The following FAM124A variants were observed in gnomAD, a reference collection of about 807,000 sequenced individuals.
The protein encoded by FAM124A is protein FAM124A.
FAM124A carries 23 observed loss-of-function variants against 24.5 expected under a neutral mutation model. The observed-to-expected ratio is 0.94, with a 90% CI of 0.68 to 1.33. The LOEUF (loss-of-function observed/expected upper bound fraction) is 1.33, where lower values mean the gene tolerates loss of function less well. Among genes scored for constraint, FAM124A ranks in the 40% most tolerant of loss-of-function variants. The pLI is 0.00. For missense variants in FAM124A, 623 were observed against 722.8 expected (o/e 0.86, Z 1.58); for synonymous variants, 287 against 314.7 (o/e 0.91, Z 0.93).
At chr13:51,274,020 A>G (rs1954863509) in intron 3 of FAM124A, among the ~76,000 whole-genome samples, 1 of 152,232 alleles carries the variant, frequency 6.6e-6, no homozygotes, top group African/African-American at 2.4e-5. Context: ...TGGGCATGAT[A>G]TTCTTTCAAG....
Position 51,281,195 on chromosome 13 carries a change from T to G in FAM124A, c.1580T>G (p.Met527Arg). The change falls in exon 4 of 4, where the codon ATG (methionine) becomes AGG (arginine). Residue 527 changes from methionine to arginine, a missense_variant. Coordinates refer to ENST00000322475, the MANE Select transcript of FAM124A (RefSeq NM_001242312.2). ...AAAGTCAAGCAGACTGATGGAGACA[T>G]GCCACCACCCCCAGGGTCGGCTGGC... ...TPKVKQTDGD[M>R]PPPPGSAGPG... is the part of the protein sequence containing the mutation. 1 of 1,611,096 alleles carries G rather than the reference T, an allele frequency of 6.2e-7. No individual in the cohort carries two copies. The highest frequency in any genetic ancestry group is 8.5e-7 in the Non-Finnish European group (1 of 1,178,558).
rs1241626803 is a variant in FAM124A at position 51,281,117 on chromosome 13, C to T, written c.1502C>T (p.Pro501Leu). 3 of 1,613,968 alleles carry T rather than the reference C, an allele frequency of 1.9e-6. No homozygotes were observed. Among genetic ancestry groups the T allele is most frequent in the Non-Finnish European group, 2.5e-6 (3 of 1,180,048 alleles). ...SATARAAPPA[P>L]STSTLTDSSP... ...ACAGCTCGTGCTGCTCCCCCAGCTC[C>T]CAGCACCTCCACCCTCACAGACTCC... is the stretch of plus-strand genomic sequence containing the variant. The change falls in exon 4 of 4, where the codon CCC (proline) becomes CTC (leucine). Residue 501 changes from proline (P) to leucine (L), a missense_variant. Transcript: ENST00000322475.
intron 3 of FAM124A, among the ~76,000 whole-genome samples, chr13:51,254,129 C>T (rs1954653087): frequency 6.6e-6 from 1 of 152,136 alleles, no homozygotes; most frequent in Non-Finnish European, 1.5e-5. Context: ...GAGAGTGAAC[C>T]TTTCTATCCA....
chr13:51,281,010 G>GC lies in FAM124A; in HGVS notation c.1398dup (p.Thr467HisfsTer58). ...ACAAGGATTCCAGGGAGGGACCACT[G>GC]CCCACTGTCAGCAGGGTGACCACAG... On this transcript the variant is annotated frameshift_variant, in exon 4 of 4. Transcript: ENST00000322475. LOFTEE classifies it low-confidence loss of function (END_TRUNC). 6.2e-7 allele frequency: 1 copy of GC among 1,614,044 alleles called. No homozygotes were observed. Among genetic ancestry groups the GC allele is most frequent in the Non-Finnish European group, 8.5e-7 (1 of 1,179,988 alleles).
At chr13:51,279,295 C>A (rs1005926618) in intron 3 of FAM124A, among the ~76,000 whole-genome samples, 2 of 152,162 alleles carry the variant, frequency 1.3e-5, no homozygotes, top group African/African-American at 4.8e-5. Flanking sequence ...AGCTGTGACA[C>A]CTCTTAGGCA....
At position 51,283,753 on chromosome 13, in the gene FAM124A, A is replaced by G. The variant is rs1010048396; in HGVS notation, c.*2497A>G. 1 of 149,260 alleles carries G rather than the reference A, an allele frequency of 6.7e-6. No individual in the cohort carries two copies. The highest frequency in any genetic ancestry group is 1.5e-5 in the Non-Finnish European group (1 of 67,540). 9.2% of individuals were successfully genotyped at this position (149,260 alleles called of 1,614,324 possible). A position where few individuals can be genotyped will look rare whatever the true frequency, so the allele number is the denominator to read the frequency against. ...ACAGGGAAGCAAGTTCATCAGTAAC[A>G]AAAGTCAGTGAGGCAAAAAAAAAAA... On this transcript the variant is annotated 3_prime_UTR_variant, in exon 4 of 4. Coordinates refer to ENST00000322475, the MANE Select transcript of FAM124A (RefSeq NM_001242312.2).
At position 51,272,566 on chromosome 13, in the gene FAM124A, TAC is replaced by T. The variant is rs3138586; in HGVS notation, c.835-7857_835-7856del. Among the ~76,000 whole-genome samples, 40,446 of 148,816 alleles carry T rather than the reference TAC, an allele frequency of 0.27. 6,953 individuals are homozygous for T. The highest frequency in any genetic ancestry group is 0.38 in the Admixed American group (5,723 of 14,952). ...ACCTATTTTTGTAAATAAAGCCTTA[TAC>T]ACACACACACACACACACACACACA... On this transcript the variant is annotated intron_variant, in intron 3 of 3. Coordinates refer to ENST00000322475, the MANE Select transcript of FAM124A (RefSeq NM_001242312.2). The surrounding 1 kb of genome is among the most constrained non-coding windows in gnomAD (Gnocchi z 4.2).
intron 2 of FAM124A, among the ~76,000 whole-genome samples, chr13:51,247,715 CTGA>C (rs1954578031): frequency 6.6e-6 from 1 of 152,162 alleles, no homozygotes; most frequent in Non-Finnish European, 1.5e-5. Context: ...GGAGCATTCA[CTGA>C]TGCTTAGCAA....
chr13:51,278,682 G>A (rs1401488260), intron 3 of FAM124A, among the ~76,000 whole-genome samples: 1 of 152,192 alleles, frequency 6.6e-6, no homozygotes, highest in East Asian at 1.9e-4. Context: ...AAAAGACCGG[G>A]TACCATCTCT....
intron 2 of FAM124A, among the ~76,000 whole-genome samples, chr13:51,239,510 C>G (rs1810475307): frequency 6.6e-6 from 1 of 152,178 alleles, no homozygotes; most frequent in Non-Finnish European, 1.5e-5. Context: ...ACTATTCATA[C>G]AGTATTCCCT....
chr13:51,269,503 T>C (rs980250860), intron 3 of FAM124A, among the ~76,000 whole-genome samples: 5 of 152,228 alleles, frequency 3.3e-5, no homozygotes, highest in African/African-American at 1.2e-4. Context: ...GATCTAATTG[T>C]CACCATGTTT....
chr13:51,232,767 C>T (rs1406797198), intron 2 of FAM124A, among the ~76,000 whole-genome samples: 1 of 152,196 alleles, frequency 6.6e-6, no homozygotes, highest in Non-Finnish European at 1.5e-5. Context: ...CTCAGTTTTG[C>T]CCAGAGGCTA....
intron 3 of FAM124A, among the ~76,000 whole-genome samples, chr13:51,259,738 C>T (rs533416120): frequency 2.0e-5 from 3 of 152,312 alleles, no homozygotes; most frequent in Admixed American, 1.3e-4. Flanking sequence ...GGCAGCTGCC[C>T]ACATCACAGG....
intron 3 of FAM124A, among the ~76,000 whole-genome samples, chr13:51,256,262 A>G (rs1954673271): frequency 6.6e-6 from 1 of 152,230 alleles, no homozygotes; most frequent in African/African-American, 2.4e-5. Context: ...GAGAGCAGGT[A>G]GTTCCATGTC....
At chr13:51,241,302 G>A (rs1000160926) in intron 2 of FAM124A, among the ~76,000 whole-genome samples, 4 of 151,930 alleles carry the variant, frequency 2.6e-5, no homozygotes, top group African/African-American at 7.3e-5. Flanking sequence ...CATTCTCTGC[G>A]TCATTTAGAA....
In FAM124A at chr13:51,282,646, C is replaced by T. The variant is rs1484898212; in HGVS notation, c.*1390C>T. ...CTTGAATTAATCATGGCACAGTGTTCATCTCTCTGGAAATGCCCACGCCAG... is the reference window on the plus strand; with the variant it reads ...CTTGAATTAATCATGGCACAGTGTTTATCTCTCTGGAAATGCCCACGCCAG... On this transcript the variant is annotated 3_prime_UTR_variant, in exon 4 of 4. Coordinates refer to ENST00000322475, the MANE Select transcript of FAM124A (RefSeq NM_001242312.2). 6.6e-6 allele frequency: 1 copy of T among 152,168 alleles called. No individual in the cohort carries two copies. The highest frequency in any genetic ancestry group is 1.5e-5 in the Non-Finnish European group (1 of 68,056). The allele number at this position is 152,168 out of a possible 1,614,324, so 9.4% of individuals were successfully genotyped here.
rs1361731780 is a variant in FAM124A at position 51,258,853 on chromosome 13, G to A, written c.834+6652G>A. ...ACCACACACAGGTGGATGGGTTCAC[G>A]TGGCCGGGGTAGGAAGATGCCACGA... On this transcript the variant is annotated intron_variant, in intron 3 of 3. Transcript: ENST00000322475. This position sits in a 1 kb window ranked among gnomAD's most constrained non-coding sequence, Gnocchi z 4.2. Among the ~76,000 whole-genome samples, 4 of 152,216 alleles carry A rather than the reference G, an allele frequency of 2.6e-5. No individual in the cohort carries two copies. The highest frequency in any genetic ancestry group is 9.7e-5 in the African/African-American group (4 of 41,450).
chr13:51,256,516 C>A (rs1854820810), intron 3 of FAM124A, among the ~76,000 whole-genome samples: 1 of 152,114 alleles, frequency 6.6e-6, no homozygotes, highest in Non-Finnish European at 1.5e-5. Context: ...CAGATCTCAT[C>A]CACACCAGCT....
Position 51,251,747 on chromosome 13 carries a change from C to A in FAM124A, c.380C>A (p.Pro127His). The change falls in exon 3 of 4, where the codon CCC becomes CAC. Residue 127 changes from proline (P) to histidine (H), a missense_variant. Coordinates refer to ENST00000322475, the MANE Select transcript of FAM124A (RefSeq NM_001242312.2). This position sits in a 1 kb window ranked among gnomAD's most constrained non-coding sequence, Gnocchi z 5.3. ...LQLHRTLQQP[P>H]WRHHHTEQVH... ...CTGCACCGCACACTGCAGCAGCCGC[C>A]CTGGCGCCACCACCACACCGAGCAG... 1 of 1,585,086 alleles carries A rather than the reference C, an allele frequency of 6.3e-7. No individual in the cohort carries two copies.
Sources: allele counts gnomAD v4.1 joint callset (sites outside exome capture counted in the v4.1 genomes callset), GRCh38; gene constraint gnomAD v4.1.1; non-coding constraint Gnocchi (gnomAD v3.1); transcripts MANE v1.5; gene names NCBI Gene and HGNC (gene_info 2026-07-23, HGNC 2026-07-21).